The following UFL1 variants were observed in gnomAD, a reference collection of about 807,000 sequenced individuals.
The protein encoded by UFL1 is E3 UFM1-protein ligase 1.
In UFL1, 78 loss-of-function variants were observed where a neutral mutation model predicts 99.3. The ratio of observed to expected loss-of-function variants is 0.79; its 90% CI spans 0.65 to 0.95. The LOEUF is 0.95. Among genes scored for constraint, UFL1 ranks in the 40% least tolerant of loss-of-function variants. The pLI, the probability that UFL1 is intolerant of heterozygous loss-of-function variation, is 0.00. For missense variants in UFL1, 936 were observed against 937.0 expected (o/e 1.00, Z 0.01); for synonymous variants, 335 against 322.2 (o/e 1.04, Z -0.42).
intron 12 of UFL1, among the ~76,000 whole-genome samples, chr6:96,545,543 TAAAG>T (rs1361527759): frequency 1.3e-5 from 2 of 150,972 alleles, no homozygotes; most frequent in African/African-American, 2.4e-5. Flanking sequence ...CACATGATTA[TAAAG>T]ACTTTCCAAA....
intron 7 of UFL1, 148 bp downstream of exon 7, chr6:96,534,469 T>C (rs1326240778): frequency 1.7e-6 from 1 of 600,426 alleles, no homozygotes; most frequent in African/African-American, 1.9e-5. Flanking sequence ...TATCAAGTTT[T>C]ATATATGTAC....
intron 15 of UFL1, among the ~76,000 whole-genome samples, chr6:96,551,189 C>T (rs954876482): frequency 6.6e-6 from 1 of 151,944 alleles, no homozygotes; most frequent in Non-Finnish European, 1.5e-5. Context: ...CTCACAAGGT[C>T]AACGACTCTC....
intron 11 of UFL1, among the ~76,000 whole-genome samples, chr6:96,541,568 T>C (rs1769931945): frequency 6.6e-6 from 1 of 151,358 alleles, no homozygotes; most frequent in African/African-American, 2.4e-5. Flanking sequence ...CTTAAAACTT[T>C]TCAATGGCAT....
chr6:96,527,804 T>G (rs1405282045), intron 5 of UFL1, among the ~76,000 whole-genome samples: 2 of 152,168 alleles, frequency 1.3e-5, no homozygotes, highest in East Asian at 3.9e-4. Context: ...TCATTAAGTT[T>G]GAAAAAAACA....
chr6:96,534,504 T>C (rs1362271162), intron 7 of UFL1, among the ~76,000 whole-genome samples, 183 bp downstream of exon 7: 1 of 151,736 alleles, frequency 6.6e-6, no homozygotes, highest in Admixed American at 6.6e-5. Context: ...CACCAAACGT[T>C]TAATATTGGT....
intron 17 of UFL1, 28 bp from the exon 18 acceptor site, chr6:96,552,450 TAATG>T (rs1306919488): frequency 2.6e-6 from 4 of 1,519,504 alleles, no homozygotes; most frequent in Non-Finnish European, 3.5e-6. Context: ...TAAATTATGA[TAATG>T]AATTTGTGTG....
rs767501387 is a variant in UFL1, at chr6:96,549,443, C to G, written c.1552C>G (p.Arg518Gly). The G allele has an allele frequency of 1.9e-6, 3 of 1,596,250 alleles. No homozygotes were observed. The highest frequency in any genetic ancestry group is 1.2e-5 in the South Asian group (1 of 86,722). The change falls in exon 14 of 19, where the codon CGT becomes GGT. Residue 518 changes from arginine to glycine, a missense_variant. Transcript: ENST00000369278. The part of the protein sequence containing the change: ...PLNKTYLEVV[R>G]SVFMSSTTSA... ...TAATAAAACTTATCTCGAGGTGGTA[C>G]GTTCAGTATTCATGTCTTCAACAAC...
At chr6:96,545,256 T>G (rs1769983787) in intron 12 of UFL1, among the ~76,000 whole-genome samples, 1 of 151,130 alleles carries the variant, frequency 6.6e-6, no homozygotes, top group African/African-American at 2.4e-5. Context: ...ATAACTTAAT[T>G]AAGCTAGAAA....
At position 96,552,649 on chromosome 6, in the gene UFL1, G is replaced by A. The variant is rs1360750061; in HGVS notation, c.2153G>A (p.Ser718Asn). The A allele has an allele frequency of 6.3e-7, 1 of 1,594,002 alleles. No homozygotes were observed. Among genetic ancestry groups the A allele is most frequent in the African/African-American group, 1.4e-5 (1 of 73,484 alleles). The change falls in exon 18 of 19, where the codon AGT becomes AAT. Residue 718 changes from serine (S) to asparagine (N), a missense_variant. Coordinates refer to ENST00000369278, the MANE Select transcript of UFL1 (RefSeq NM_015323.5). ...CVPQIIAFLNSKIPEDQHALL... is the reference protein window; with the variant it reads ...CVPQIIAFLNNKIPEDQHALL... ...CCACAGATCATTGCTTTTCTTAATA[G>A]TAAAATTCCAGAGGTATTACATTTT...
In UFL1 at chr6:96,549,793, A is replaced by C; in HGVS notation, c.1812A>C (p.Thr604=). 6.2e-7 allele frequency: 1 copy of C among 1,611,372 alleles called. No individual in the cohort carries two copies. The change falls in exon 15 of 19, where the codon ACA becomes ACC. Residue 604 remains threonine, a synonymous_variant. Transcript: ENST00000369278. ...CAGTAGACGATCCTGCAGCCATTAC[A>C]AGTGAAGTATGTTAATGATCTCCCT... The part of the protein sequence containing the change: ...MMAVDDPAAI[T]SEIRKKILSK...
At position 96,544,259 on chromosome 6, in the gene UFL1, C is replaced by T. The variant is rs114713596; in HGVS notation, c.1402+1243C>T. On this transcript the variant is annotated intron_variant, in intron 12 of 18. Coordinates refer to ENST00000369278, the MANE Select transcript of UFL1 (RefSeq NM_015323.5). ...ATGCATCTTTCTTTTCCTAGACTTG[C>T]TAGTGCTTGGCCAAGAAAGTCTACA... is the stretch of plus-strand genomic sequence containing the variant. Among the ~76,000 whole-genome samples the T allele has an allele frequency of 7.2e-3, 1,091 of 151,002 alleles. 11 individuals carry two copies. The highest frequency in any genetic ancestry group is 0.022 in the African/African-American group (923 of 41,414).
Position 96,528,143 on chromosome 6 carries a change from G to GCT in UFL1, c.466-354_466-353dup, listed in dbSNP as rs924751451. 3.3e-5 allele frequency among the ~76,000 whole-genome samples: 5 copies of GCT among 152,210 alleles called. No individual in the cohort carries two copies. The East Asian group carries it at 9.7e-4, about 29-fold the overall frequency. On this transcript the variant is annotated intron_variant, in intron 5 of 18. Coordinates refer to ENST00000369278, the MANE Select transcript of UFL1 (RefSeq NM_015323.5). ...CTCCAATACCCATTTGTATGTCTTG[G>GCT]CTCTCTATATATTGGAGGCTGCCTA...
At chr6:96,531,345 C>T (rs1419343880) in intron 6 of UFL1, among the ~76,000 whole-genome samples, 2 of 152,094 alleles carry the variant, frequency 1.3e-5, no homozygotes, top group East Asian at 1.9e-4. Context: ...AGTCCAATAC[C>T]GTAAGTTTCA....
At position 96,532,374 on chromosome 6, in the gene UFL1, C is replaced by T. The variant is rs201183214; in HGVS notation, c.597-1889C>T. Among the ~76,000 whole-genome samples the T allele has an allele frequency of 1.4e-4, 21 of 152,304 alleles. No homozygotes were observed. The East Asian group carries it at 2.5e-3, about 18-fold the overall frequency. ...AAGGAGAGCAAAATTCACAGAGGAC[C>T]TAGACCTTGTTGGTTTGGAGGTTTG... On this transcript the variant is annotated intron_variant, in intron 6 of 18. Coordinates refer to ENST00000369278, the MANE Select transcript of UFL1 (RefSeq NM_015323.5).
At chr6:96,542,231 T>A (rs1769940419) in intron 11 of UFL1, among the ~76,000 whole-genome samples, 1 of 151,284 alleles carries the variant, frequency 6.6e-6, no homozygotes. Context: ...TAATTTGTTT[T>A]TTTAAGTCTA....
At position 96,551,883 on chromosome 6, in the gene UFL1, T is replaced by G; in HGVS notation, c.1945T>G (p.Cys649Gly). 6.2e-7 allele frequency: 1 copy of G among 1,610,068 alleles called. No individual in the cohort carries two copies. Among genetic ancestry groups the G allele is most frequent in the Non-Finnish European group, 8.5e-7 (1 of 1,177,544 alleles). The change falls in exon 17 of 19, where the codon TGT (cysteine) becomes GGT (glycine). Residue 649 changes from cysteine (C) to glycine (G), a missense_variant. Coordinates refer to ENST00000369278, the MANE Select transcript of UFL1 (RefSeq NM_015323.5). ...TTGTCTGGATTCTGCAGCAGAAGCT[T>G]GTGATATTATGGTGAAAAGGGGAGA... ...ISCLDSAAEA[C>G]DIMVKRGDKK...
chr6:96,525,148 C>G, intron 3 of UFL1, 149 bp from the exon 4 acceptor site: 2 of 562,762 alleles, frequency 3.6e-6, no homozygotes, highest in Non-Finnish European at 6.2e-6. Flanking sequence ...AGGGATCCTC[C>G]CGCCTCATCC....
At chr6:96,522,280 A>G (rs768505357) in intron 1 of UFL1, among the ~76,000 whole-genome samples, 2 of 151,632 alleles carry the variant, frequency 1.3e-5, no homozygotes, top group Non-Finnish European at 2.9e-5. Context: ...CCACCAAATC[A>G]CTGTGACATC....
chr6:96,552,749 C>G, intron 18 of UFL1, 87 bp downstream of exon 18: 1 of 1,259,614 alleles, frequency 7.9e-7, no homozygotes, highest in South Asian at 1.6e-5. Flanking sequence ...TGTCAGCACT[C>G]AGGTATAAAA....
Sources: allele counts gnomAD v4.1 joint callset (sites outside exome capture counted in the v4.1 genomes callset), GRCh38; gene constraint gnomAD v4.1.1; transcripts MANE v1.5; gene names NCBI Gene and HGNC (gene_info 2026-07-23, HGNC 2026-07-21).